CREBRF: variants seen among roughly 807,000 people sequenced by gnomAD.
The protein encoded by CREBRF is UPF0474 protein C5orf41.
A neutral mutation model predicts 66.1 loss-of-function variants in CREBRF; 5 were observed. That is an observed-to-expected ratio of 0.08 (90% confidence interval 0.04 to 0.16). CREBRF has a LOEUF of 0.16. Among genes scored for constraint, CREBRF ranks in the 10% least tolerant of loss-of-function variants. The probability of loss-of-function intolerance (pLI) is 1.00; values close to 1 mark genes in which losing one functional copy is unlikely to be tolerated. For missense variants in CREBRF, 531 were observed against 744.9 expected (o/e 0.71, Z 3.34); for synonymous variants, 229 against 264.4 (o/e 0.87, Z 1.30).
intron 1 of CREBRF, among the ~76,000 whole-genome samples, chr5:173,063,981 C>G (rs1042518133): frequency 1.3e-5 from 2 of 152,168 alleles, no homozygotes; most frequent in African/African-American, 4.8e-5. Context: ...CTTGGCCTCC[C>G]AAAGTGCTGG....
intron 4 of CREBRF, among the ~76,000 whole-genome samples, chr5:173,098,190 T>C (rs1034902654): frequency 7.6e-6 from 1 of 131,560 alleles, no homozygotes; most frequent in African/African-American, 2.8e-5. Flanking sequence ...ATTTTCCTTC[T>C]TTTTTTTTTT....
intron 4 of CREBRF, among the ~76,000 whole-genome samples, chr5:173,102,844 T>C (rs1456103986): frequency 1.3e-5 from 2 of 152,164 alleles, no homozygotes; most frequent in Non-Finnish European, 2.9e-5. Context: ...AACCAGGTTC[T>C]GCTGGGGCTA....
rs57815094 is a variant in CREBRF, at chr5:173,070,934, G to T, written c.-191-9651G>T. 5.4e-3 allele frequency among the ~76,000 whole-genome samples: 817 copies of T among 152,200 alleles called. 36 individuals are homozygous for T. The East Asian group carries it at 0.077, about 14-fold the overall frequency. On this transcript the variant is annotated intron_variant, in intron 1 of 8. Transcript: ENST00000296953. ...CATCTCTTGTGTGGATGACTGCTCG[G>T]AAGGGCATTGCATTTGGCACTGTAG...
At chr5:173,123,617 AG>A in intron 8 of CREBRF, 1 of 168,390 alleles carries the variant, frequency 5.9e-6, no homozygotes, top group South Asian at 1.5e-4. Flanking sequence ...CAATGTGGGG[AG>A]GATCAGAGGG....
intron 4 of CREBRF, chr5:173,091,665 AG>A: frequency 1.8e-6 from 2 of 1,133,874 alleles, no homozygotes; most frequent in Non-Finnish European, 2.2e-6. Flanking sequence ...ATTAAAATAG[AG>A]ATGAGAGCTT....
chr5:173,113,439 G>T (rs887784590), intron 7 of CREBRF, among the ~76,000 whole-genome samples: 4 of 151,980 alleles, frequency 2.6e-5, no homozygotes, highest in African/African-American at 9.7e-5. Flanking sequence ...CTCCTGAATA[G>T]CTGGGACTAC....
chr5:173,091,838 A>C, intron 4 of CREBRF: 1 of 956,624 alleles, frequency 1.0e-6, no homozygotes, highest in East Asian at 1.1e-4. Context: ...TAATCCCAGC[A>C]CTTTGGGAGG....
chr5:173,086,294 T>G, intron 2 of CREBRF: 1 of 644,248 alleles, frequency 1.6e-6, no homozygotes, highest in Non-Finnish European at 2.8e-6. Context: ...GCACTCTATT[T>G]TTTCTATTTT....
chr5:173,098,521 C>T (rs1202806078), intron 4 of CREBRF, among the ~76,000 whole-genome samples: 1 of 152,190 alleles, frequency 6.6e-6, no homozygotes, highest in Admixed American at 6.5e-5. Context: ...TGTGGCCTAA[C>T]ATATGATCTA....
intron 1 of CREBRF, among the ~76,000 whole-genome samples, chr5:173,059,318 G>T (rs2113647593): frequency 7.2e-6 from 1 of 138,512 alleles, no homozygotes; most frequent in East Asian, 2.1e-4. Context: ...AGGCTGGAGT[G>T]CAGTGGGAAG....
At chr5:173,083,089 G>A (rs1168330991) in intron 2 of CREBRF, among the ~76,000 whole-genome samples, 3 of 151,796 alleles carry the variant, frequency 2.0e-5, no homozygotes, top group African/African-American at 7.3e-5. Context: ...TTAGCTGGAC[G>A]TGGTGGTGCC....
intron 1 of CREBRF, among the ~76,000 whole-genome samples, chr5:173,073,792 AC>A (rs1255231873): frequency 6.6e-6 from 1 of 151,822 alleles, no homozygotes; most frequent in African/African-American, 2.4e-5. Flanking sequence ...ATGGTGAAAC[AC>A]CGTCTCTACT....
chr5:173,082,108 G>T (rs980568151), intron 2 of CREBRF, among the ~76,000 whole-genome samples: 1 of 145,082 alleles, frequency 6.9e-6, no homozygotes, highest in South Asian at 2.2e-4. Context: ...CCACCTCCCG[G>T]GTTCACGCCA....
chr5:173,122,878 T>A (rs560847194), intron 7 of CREBRF, among the ~76,000 whole-genome samples: 47 of 150,216 alleles, frequency 3.1e-4, no homozygotes, highest in Non-Finnish European at 5.6e-4. Flanking sequence ...GATAGTTTAC[T>A]GAGAATGATG....
At position 173,134,677 on chromosome 5, in the gene CREBRF, A is replaced by G. The variant is rs901640131; in HGVS notation, c.*932A>G. 5 of 152,782 alleles carry G rather than the reference A, an allele frequency of 3.3e-5. No homozygotes were observed. The highest frequency in any genetic ancestry group is 9.7e-5 in the African/African-American group (4 of 41,444). 9.5% of individuals were successfully genotyped at this position (152,782 alleles called of 1,614,324 possible). A position where few individuals can be genotyped will look rare whatever the true frequency, so the allele number is the denominator to read the frequency against. Reference sequence around the variant, plus strand: ...TGTACCAAAGACAAATGCAACTGATATGGCAAACTGCCAGTCTAAGTAAAG... The same window carrying G: ...TGTACCAAAGACAAATGCAACTGATGTGGCAAACTGCCAGTCTAAGTAAAG... On this transcript the variant is annotated 3_prime_UTR_variant, in exon 9 of 9. Transcript: ENST00000296953.
At chr5:173,075,640 A>G (rs1261224908) in intron 1 of CREBRF, among the ~76,000 whole-genome samples, 1 of 152,124 alleles carries the variant, frequency 6.6e-6, no homozygotes, top group Non-Finnish European at 1.5e-5. Context: ...TTTCTTGCCA[A>G]ACAAGGGAGT....
chr5:173,135,803 G>T lies in CREBRF; in HGVS notation c.*2058G>T, dbSNP rs1424128758. The T allele has an allele frequency of 6.6e-6, 1 of 152,296 alleles. No homozygotes were observed. 9.4% of individuals were successfully genotyped at this position (152,296 alleles called of 1,614,324 possible). A position where few individuals can be genotyped will look rare whatever the true frequency, so the allele number is the denominator to read the frequency against. ...CCTGCTTCTTTGACATCTTAAAAAA[G>T]AAATCCAAGGAGGATTGTAAGGATT... On this transcript the variant is annotated 3_prime_UTR_variant, in exon 9 of 9. Coordinates refer to ENST00000296953, the MANE Select transcript of CREBRF (RefSeq NM_153607.3).
At chr5:173,100,690 C>G (rs1192481083) in intron 4 of CREBRF, among the ~76,000 whole-genome samples, 1 of 152,232 alleles carries the variant, frequency 6.6e-6, no homozygotes, top group Non-Finnish European at 1.5e-5. Flanking sequence ...TCGAAAAGTG[C>G]TGGGATTACA....
intron 1 of CREBRF, among the ~76,000 whole-genome samples, chr5:173,076,749 C>CA (rs1202344075): frequency 0.24 from 21,948 of 92,136 alleles, 2,289 homozygotes; most frequent in East Asian, 0.31. Context: ...CAGTCAGTCT[C>CA]AAAAAAAAAA....
Sources: gnomAD v4.1 joint callset for allele counts (sites outside exome capture counted in the v4.1 genomes callset) on GRCh38, gnomAD v4.1.1 for gene constraint, MANE v1.5 for transcripts, NCBI Gene and HGNC (gene_info 2026-07-23, HGNC 2026-07-21) for gene names.